SEZ6L: variants seen among roughly 807,000 people sequenced by gnomAD.
The protein encoded by SEZ6L is seizure related 6 homolog like.
Under a neutral mutation model 106.2 loss-of-function variants are expected in SEZ6L, and 37 were observed. The observed-to-expected ratio is 0.35, with a 90% CI of 0.27 to 0.46. SEZ6L has a LOEUF of 0.46. Among genes scored for constraint, SEZ6L ranks in the 20% least tolerant of loss-of-function variants. The pLI is 1.00. For missense variants in SEZ6L, 1,172 were observed against 1,332.8 expected, an observed-to-expected ratio of 0.88 and a Z score of 1.88; for synonymous variants, 541 against 570.4, an observed-to-expected ratio of 0.95 and a Z score of 0.73.
chr22:26,363,365 C>G (rs1298094894), intron 12 of SEZ6L, among the ~76,000 whole-genome samples: 1 of 152,198 alleles, frequency 6.6e-6, no homozygotes, highest in Non-Finnish European at 1.5e-5. Context: ...GGGATTATAT[C>G]TGTTTTATTC....
chr22:26,267,988 A>AT (rs2080243655), intron 1 of SEZ6L, among the ~76,000 whole-genome samples: 2 of 152,196 alleles, frequency 1.3e-5, no homozygotes, highest in Non-Finnish European at 2.9e-5. Flanking sequence ...TGGGGAAGAA[A>AT]CTGAATTCAT....
chr22:26,372,559 A>G (rs552123078), intron 13 of SEZ6L, among the ~76,000 whole-genome samples: 62 of 152,224 alleles, frequency 4.1e-4, no homozygotes, highest in Non-Finnish European at 7.1e-4. Context: ...GGGATTGGGG[A>G]CATCAGTATA....
chr22:26,216,450 G>A (rs1884250), intron 1 of SEZ6L, among the ~76,000 whole-genome samples: 109,914 of 152,026 alleles, frequency 0.72, 43,116 homozygotes, highest in East Asian at 0.87. Context: ...GAGATCAGGA[G>A]TTCGAGACCA....
chr22:26,299,159 C>T lies in SEZ6L; in HGVS notation c.1338C>T (p.Pro446=), dbSNP rs1202867043. Residue 446 remains proline, a synonymous_variant, in exon 5 of 17, where the codon CCC becomes CCT. Transcript: ENST00000248933. Reference sequence around the variant, plus strand: ...AGCCGCACTGGAGCAGCCAGGAGCCCATCTGCTCAGGTATGCTCCAGCCTC... The same window carrying T: ...AGCCGCACTGGAGCAGCCAGGAGCCTATCTGCTCAGGTATGCTCCAGCCTC... ...ASKPHWSSQE[P]ICSAPCGGAV... 6.5e-7 allele frequency: 1 copy of T among 1,542,596 alleles called. No individual in the cohort carries two copies. The highest frequency in any genetic ancestry group is 1.9e-5 in the Admixed American group (1 of 52,818).
intron 15 of SEZ6L, 64 bp downstream of exon 15, chr22:26,375,753 C>A: frequency 8.1e-7 from 1 of 1,230,510 alleles, no homozygotes; most frequent in Non-Finnish European, 1.2e-6. Context: ...AGGGACTGGG[C>A]GGTTCACCTC....
chr22:26,284,570 G>C (rs536864321), intron 1 of SEZ6L, among the ~76,000 whole-genome samples: 1 of 126,472 alleles, frequency 7.9e-6, no homozygotes, highest in African/African-American at 3.1e-5. Context: ...AGATTGCACC[G>C]CTGCACTCCA....
rs137894652 is a variant in SEZ6L, at chr22:26,250,653, G to C, written c.95-41753G>C. On this transcript the variant is annotated intron_variant, in intron 1 of 16. Coordinates refer to ENST00000248933, the MANE Select transcript of SEZ6L (RefSeq NM_021115.5). Reference sequence around the variant, plus strand: ...TTGCTTTGGCTATTCGGGATCTTTTGTGCTTCCATAGGAATTTTAGAACTT... The same window carrying C: ...TTGCTTTGGCTATTCGGGATCTTTTCTGCTTCCATAGGAATTTTAGAACTT... 3.3e-3 allele frequency among the ~76,000 whole-genome samples: 501 copies of C among 152,214 alleles called. 2 individuals are homozygous for C. Among genetic ancestry groups the C allele is most frequent in the African/African-American group, 0.011 (474 of 41,540 alleles).
chr22:26,355,098 G>A (rs1234974684), intron 12 of SEZ6L, among the ~76,000 whole-genome samples: 1 of 152,230 alleles, frequency 6.6e-6, no homozygotes, highest in Non-Finnish European at 1.5e-5. Context: ...GCTTTGAAAC[G>A]TTTTGTCGAC....
intron 12 of SEZ6L, among the ~76,000 whole-genome samples, chr22:26,352,338 G>A (rs1033245756): frequency 6.6e-6 from 1 of 152,078 alleles, no homozygotes; most frequent in Non-Finnish European, 1.5e-5. Flanking sequence ...AGTGTGTTAT[G>A]AACAACTCCA....
chr22:26,239,699 G>C (rs1030186564), intron 1 of SEZ6L, among the ~76,000 whole-genome samples: 3 of 152,084 alleles, frequency 2.0e-5, no homozygotes, highest in Non-Finnish European at 1.5e-5. Context: ...ATCTTCCCCT[G>C]GTTTCTTATC....
chr22:26,220,787 C>G (rs940708947), intron 1 of SEZ6L, among the ~76,000 whole-genome samples: 11 of 152,168 alleles, frequency 7.2e-5, no homozygotes, highest in African/African-American at 2.6e-4. Context: ...GGGTTTAGCA[C>G]CCAGTAAGCA....
chr22:26,294,330 A>G lies in SEZ6L; in HGVS notation c.874A>G (p.Ile292Val), dbSNP rs1342466043. 1 of 1,613,928 alleles carries G rather than the reference A, an allele frequency of 6.2e-7. No individual in the cohort carries two copies. The highest frequency in any genetic ancestry group is 1.3e-5 in the African/African-American group (1 of 74,900). ...SVSFSNPEGY[I>V]DSSDYPLLPL... ...GAGCTTCTCCAATCCTGAGGGGTAC[A>G]TTGACTCCAGCGACTACCCACTGCT... The change falls in exon 3 of 17, where the codon ATT (isoleucine) becomes GTT (valine). Residue 292 changes from isoleucine (I) to valine (V), a missense_variant. Ile to Val is a conservative substitution (Grantham distance 29). This residue lies in a region of SEZ6L where 494 missense variants were observed against 445.8 expected (regional missense o/e 1.11). Transcript: ENST00000248933.
At chr22:26,332,136 G>A (rs1388605496) in intron 9 of SEZ6L, among the ~76,000 whole-genome samples, 1 of 147,558 alleles carries the variant, frequency 6.8e-6, no homozygotes, top group East Asian at 2.0e-4. Flanking sequence ...CTGGAAGAGA[G>A]GATTTTCAAT....
intron 1 of SEZ6L, among the ~76,000 whole-genome samples, chr22:26,187,339 C>A (rs1365367583): frequency 8.5e-5 from 13 of 152,192 alleles, no homozygotes; most frequent in Admixed American, 3.9e-4. Flanking sequence ...ATGATCTAAT[C>A]ACCTCCCACG....
chr22:26,292,144 GA>G (rs1162722929), intron 1 of SEZ6L: 84 of 394,192 alleles, frequency 2.1e-4, no homozygotes, highest in Non-Finnish European at 1.5e-4. Flanking sequence ...AAGAAAGAAA[GA>G]AAGGAAGGAA....
At chr22:26,347,400 C>T (rs558543345) in intron 10 of SEZ6L, among the ~76,000 whole-genome samples, 1 of 152,162 alleles carries the variant, frequency 6.6e-6, no homozygotes, top group East Asian at 1.9e-4. Context: ...GGTCAAGGAA[C>T]CTGAGCTGCA....
intron 9 of SEZ6L, among the ~76,000 whole-genome samples, chr22:26,325,958 G>A (rs1448069036): frequency 6.8e-6 from 1 of 147,952 alleles, no homozygotes; most frequent in Non-Finnish European, 1.5e-5. Flanking sequence ...CACACACATT[G>A]ATCCCTCTGA....
rs1443424900 is a variant in SEZ6L, at chr22:26,375,592, G to A, written c.2845G>A (p.Glu949Lys). 6.2e-7 allele frequency: 1 copy of A among 1,614,028 alleles called. No homozygotes were observed. The highest frequency in any genetic ancestry group is 8.5e-7 in the Non-Finnish European group (1 of 1,180,010). ...HALEVAEAAAETSLEGGNMAL... is the reference protein window; with the variant it reads ...HALEVAEAAAKTSLEGGNMAL... ...GTGTTCAGTAGCAGAAGCGGCAGCA[G>A]AGACGTCGCTGGAAGGGGGGAACAT... The change falls in exon 15 of 17, where the codon GAG becomes AAG. Residue 949 changes from glutamate to lysine, a missense_variant. This residue lies in a region of SEZ6L where 141 missense variants were observed against 176.0 expected (regional missense o/e 0.80). Transcript: ENST00000248933.
At position 26,365,529 on chromosome 22, in the gene SEZ6L, G is replaced by A. The variant is rs1347219835; in HGVS notation, c.2757G>A (p.Gln919=). ...GEVTIRCILG[Q]PSHWNGPLPV... ...TGACCATCCGCTGCATCCTGGGACA[G>A]CCATCCCACTGGAACGGGCCCCTGC... is the stretch of plus-strand genomic sequence containing the variant. Residue 919 remains glutamine, a synonymous_variant, in exon 13 of 17, where the codon CAG becomes CAA. Transcript: ENST00000248933. 1.9e-6 allele frequency: 3 copies of A among 1,613,998 alleles called. No homozygotes were observed. Among genetic ancestry groups the A allele is most frequent in the South Asian group, 2.2e-5 (2 of 91,088 alleles).
Sources: gnomAD v4.1 joint callset for allele counts (sites outside exome capture counted in the v4.1 genomes callset) on GRCh38, gnomAD v4.1.1 for gene constraint, gnomAD v4.1.1 regional missense constraint, MANE v1.5 for transcripts, NCBI Gene and HGNC (gene_info 2026-07-23, HGNC 2026-07-21) for gene names.